CSMD1: variants seen among roughly 807,000 people sequenced by gnomAD.
CSMD1 encodes the protein CUB and Sushi multiple domains 1, also known as CUB and sushi domain-containing protein 1.
In CSMD1, 213 loss-of-function variants were observed where a neutral mutation model predicts 417.5. The ratio of observed to expected loss-of-function variants is 0.51; its 90% CI spans 0.46 to 0.57. The LOEUF is 0.57. Among genes scored for constraint, CSMD1 ranks in the 20% least tolerant of loss-of-function variants. The probability of loss-of-function intolerance (pLI) is 0.00; values close to 1 mark genes in which losing one functional copy is unlikely to be tolerated. For missense variants in CSMD1, 6,923 were observed against 4,529.7 expected, an observed-to-expected ratio of 1.53 and a Z score of -15.17; for synonymous variants, 2,862 against 1,736.8, an observed-to-expected ratio of 1.65 and a Z score of -16.11.
At chr8:4,304,522 G>C (rs1009327349) in intron 3 of CSMD1, among the ~76,000 whole-genome samples, 2 of 152,246 alleles carry the variant, frequency 1.3e-5, no homozygotes, top group African/African-American at 4.8e-5. Flanking sequence ...TCAGTGTCAG[G>C]ACTGGGCCAC....
chr8:3,340,863 G>T (rs1172302766), intron 23 of CSMD1, among the ~76,000 whole-genome samples: 1 of 152,080 alleles, frequency 6.6e-6, no homozygotes, highest in African/African-American at 2.4e-5. Context: ...GGGTTTTGCA[G>T]GTGGAACAGA....
chr8:4,719,694 T>G (rs764899712), intron 1 of CSMD1, among the ~76,000 whole-genome samples: 3 of 152,226 alleles, frequency 2.0e-5, no homozygotes, highest in Non-Finnish European at 4.4e-5. Context: ...TAATTTGATT[T>G]ATGTATTTCA....
intron 2 of CSMD1, among the ~76,000 whole-genome samples, chr8:4,485,302 G>A (rs571428451): frequency 1.7e-4 from 26 of 152,270 alleles, no homozygotes; most frequent in African/African-American, 5.8e-4. Flanking sequence ...TTTATCCCCA[G>A]TTGAAATTTT....
intron 3 of CSMD1, among the ~76,000 whole-genome samples, chr8:4,379,172 A>T (rs1595469): frequency 0.75 from 114,391 of 152,124 alleles, 43,261 homozygotes; most frequent in Non-Finnish European, 0.79. Flanking sequence ...GAAATGGCTG[A>T]TTTATTCTGT....
intron 3 of CSMD1, among the ~76,000 whole-genome samples, chr8:4,184,856 C>A (rs995695198): frequency 1.3e-5 from 2 of 151,912 alleles, no homozygotes; most frequent in Non-Finnish European, 2.9e-5. Flanking sequence ...CCAACACTTT[C>A]GGAGGCCAAG....
intron 3 of CSMD1, among the ~76,000 whole-genome samples, chr8:4,274,772 A>T (rs1480776078): frequency 6.6e-6 from 1 of 152,150 alleles, no homozygotes; most frequent in Non-Finnish European, 1.5e-5. Context: ...GGATTATTAG[A>T]ATTTTTTATC....
At chr8:3,892,164 A>T (rs978511605) in intron 5 of CSMD1, among the ~76,000 whole-genome samples, 1 of 152,178 alleles carries the variant, frequency 6.6e-6, no homozygotes, top group Non-Finnish European at 1.5e-5. Flanking sequence ...AGCCCCAAAT[A>T]TATGAGGCAT....
chr8:3,502,849 AC>A (rs1345924835), intron 10 of CSMD1, among the ~76,000 whole-genome samples: 3 of 152,172 alleles, frequency 2.0e-5, no homozygotes, highest in Non-Finnish European at 4.4e-5. Flanking sequence ...CCTAACGTGC[AC>A]TATGGACTTT....
chr8:3,763,724 C>G (rs968315735), intron 5 of CSMD1, among the ~76,000 whole-genome samples: 3 of 152,110 alleles, frequency 2.0e-5, no homozygotes, highest in Admixed American at 2.0e-4. Context: ...AACCCTGTAC[C>G]TTTGTACAGA....
At chr8:4,433,547 G>C (rs1376324817) in intron 2 of CSMD1, among the ~76,000 whole-genome samples, 1 of 152,114 alleles carries the variant, frequency 6.6e-6, no homozygotes, top group Non-Finnish European at 1.5e-5. Flanking sequence ...GAAAAACCTT[G>C]TGGAAGCAGA....
chr8:4,845,739 G>C (rs1418697398), intron 1 of CSMD1, among the ~76,000 whole-genome samples: 1 of 152,168 alleles, frequency 6.6e-6, no homozygotes, highest in Non-Finnish European at 1.5e-5. Flanking sequence ...AGGGAGCACT[G>C]GCCGGTGCTC....
intron 7 of CSMD1, among the ~76,000 whole-genome samples, chr8:3,675,501 A>G (rs547241152): frequency 2.6e-5 from 4 of 152,308 alleles, no homozygotes; most frequent in African/African-American, 4.8e-5. Context: ...ACCAAAATTC[A>G]TATGTTGAAG....
At chr8:4,731,074 G>C (rs551647307) in intron 1 of CSMD1, among the ~76,000 whole-genome samples, 2 of 152,260 alleles carry the variant, frequency 1.3e-5, no homozygotes, top group African/African-American at 4.8e-5. Flanking sequence ...GACTCCTGCT[G>C]AGAGAGACCA....
At chr8:3,306,080 G>A (rs938427143) in intron 25 of CSMD1, among the ~76,000 whole-genome samples, 1 of 151,946 alleles carries the variant, frequency 6.6e-6, no homozygotes, top group Non-Finnish European at 1.5e-5. Flanking sequence ...TTTATGTAGG[G>A]AGAACCTTTC....
At chr8:4,782,713 A>C (rs1050858862) in intron 1 of CSMD1, among the ~76,000 whole-genome samples, 2 of 152,098 alleles carry the variant, frequency 1.3e-5, no homozygotes, top group African/African-American at 4.8e-5. Context: ...TGTCGCTTTA[A>C]TTTGAATCCA....
At chr8:4,116,407 T>C (rs545110550) in intron 3 of CSMD1, among the ~76,000 whole-genome samples, 5 of 151,832 alleles carry the variant, frequency 3.3e-5, no homozygotes, top group African/African-American at 7.3e-5. Context: ...GAATGAACCC[T>C]AACGTAAGCT....
At chr8:3,477,111 T>C (rs548432964) in intron 11 of CSMD1, among the ~76,000 whole-genome samples, 1 of 152,308 alleles carries the variant, frequency 6.6e-6, no homozygotes, top group Non-Finnish European at 1.5e-5. Context: ...CTTTACTGTA[T>C]ATCACTTAAA....
chr8:4,432,873 G>T (rs1181891375), intron 2 of CSMD1, among the ~76,000 whole-genome samples: 1 of 152,176 alleles, frequency 6.6e-6, no homozygotes, highest in Admixed American at 6.5e-5. Context: ...CGCGAGCCAC[G>T]AATGTGGCTG....
At chr8:3,910,943 C>T (rs185672729) in intron 5 of CSMD1, among the ~76,000 whole-genome samples, 15 of 152,300 alleles carry the variant, frequency 9.8e-5, no homozygotes, top group African/African-American at 3.6e-4. Flanking sequence ...TGATTGATCA[C>T]GACCAGGAAC....
Sources: allele counts gnomAD v4.1 joint callset (sites outside exome capture counted in the v4.1 genomes callset), GRCh38; gene constraint gnomAD v4.1.1; transcripts MANE v1.5; gene names NCBI Gene and HGNC (gene_info 2026-07-23, HGNC 2026-07-21).